The following SMARCA2 variants were observed in gnomAD, a reference collection of about 807,000 sequenced individuals.
SMARCA2 encodes SWI/SNF-related matrix-associated actin-dependent regulator of chromatin subfamily A member 2.
A neutral mutation model predicts 199.8 loss-of-function variants in SMARCA2; 61 were observed. That is an observed-to-expected ratio of 0.31 (90% CI 0.25 to 0.38). The LOEUF (loss-of-function observed/expected upper bound fraction) is 0.38. SMARCA2 is among the 10% of genes least tolerant of loss of function. The pLI is 1.00. For synonymous variants in SMARCA2, 935 were observed against 732.0 expected (o/e 1.28, Z -4.48); for missense variants, 1,344 against 2,012.2 (o/e 0.67, Z 6.35).
intron 27 of SMARCA2, among the ~76,000 whole-genome samples, chr9:2,139,448 A>G (rs1016568073): frequency 2.0e-5 from 3 of 152,224 alleles, no homozygotes; most frequent in South Asian, 4.1e-4. Flanking sequence ...TCGAGTCACC[A>G]ACACTGGTGT....
chr9:2,114,629 A>T (rs2130595262), intron 24 of SMARCA2, among the ~76,000 whole-genome samples: 2 of 152,338 alleles, frequency 1.3e-5, no homozygotes, highest in South Asian at 4.2e-4. Flanking sequence ...TAAAAGCCAC[A>T]TGCCAAGAAG....
At chr9:2,160,109 G>A in intron 27 of SMARCA2, 1 of 635,832 alleles carries the variant, frequency 1.6e-6, no homozygotes, top group Non-Finnish European at 2.6e-6. Flanking sequence ...AAGATATGCG[G>A]GACAATTTCC....
chr9:2,096,179 C>T (rs904580675), intron 19 of SMARCA2, among the ~76,000 whole-genome samples: 2 of 152,142 alleles, frequency 1.3e-5, no homozygotes, highest in Non-Finnish European at 2.9e-5. Flanking sequence ...ATAAATCTCA[C>T]TTTAAGACTA....
At chr9:2,113,381 C>T (rs778391725) in intron 24 of SMARCA2, among the ~76,000 whole-genome samples, 4 of 152,132 alleles carry the variant, frequency 2.6e-5, no homozygotes, top group Non-Finnish European at 5.9e-5. Context: ...ACGGAATGGT[C>T]GACCACATTT....
intron 28 of SMARCA2, among the ~76,000 whole-genome samples, chr9:2,163,121 C>G (rs1825767597): frequency 6.6e-6 from 1 of 152,282 alleles, no homozygotes. Flanking sequence ...AAGCAAGAAA[C>G]TTTCCACCAT....
rs770820842 is a variant in SMARCA2 at position 2,097,450 on chromosome 9, A to G, written c.3057A>G (p.Pro1019=). Residue 1019 remains proline (P), a synonymous_variant, in exon 21 of 34, where the codon CCA becomes CCG. Coordinates refer to ENST00000349721, the MANE Select transcript of SMARCA2 (RefSeq NM_003070.5). ...IMQLRKICNH[P]YMFQHIEESF... ...AGTTGAGAAAAATCTGCAACCACCC[A>G]TATATGTTTCAGCACATTGAGGTAA... 1.2e-6 allele frequency: 2 copies of G among 1,609,708 alleles called. No individual in the cohort carries two copies. The highest frequency in any genetic ancestry group is 2.2e-5 in the South Asian group (2 of 90,956).
intron 29 of SMARCA2, among the ~76,000 whole-genome samples, chr9:2,179,612 C>G (rs927657549): frequency 6.6e-6 from 1 of 152,126 alleles, no homozygotes; most frequent in Non-Finnish European, 1.5e-5. Context: ...TAGCCTTACC[C>G]CTTAGAGCTT....
chr9:2,177,499 G>A (rs546482714), intron 29 of SMARCA2, among the ~76,000 whole-genome samples: 17 of 151,684 alleles, frequency 1.1e-4, no homozygotes, highest in East Asian at 5.8e-4. Flanking sequence ...ATCAATTTTC[G>A]CCTGGTCCTG....
At chr9:2,145,399 T>A (rs1824690295) in intron 27 of SMARCA2, among the ~76,000 whole-genome samples, 1 of 149,398 alleles carries the variant, frequency 6.7e-6, no homozygotes, top group South Asian at 2.1e-4. Context: ...AGAAAGTAAA[T>A]AAAAGAGTTT....
Position 2,115,721 on chromosome 9 carries a change from G to T in SMARCA2, c.3457-101G>T. The T allele has an allele frequency of 1.2e-6, 1 of 869,486 alleles. No individual in the cohort carries two copies. Among genetic ancestry groups the T allele is most frequent in the South Asian group, 1.6e-5 (1 of 61,092 alleles). The allele number at this position is 869,486 out of a possible 1,614,324, so 53.9% of individuals were successfully genotyped here. On this transcript the variant is annotated intron_variant, in intron 24 of 33. Transcript: ENST00000349721. This position sits in a 1 kb window ranked among gnomAD's most constrained non-coding sequence, Gnocchi z 6.0. ...GGCAAAATCTTACCTTAGTGAAGGT[G>T]AAATACAGAACCCTTCCATATTTCC...
chr9:2,117,203 A>G (rs987704981), intron 25 of SMARCA2, among the ~76,000 whole-genome samples: 23 of 151,616 alleles, frequency 1.5e-4, no homozygotes, highest in African/African-American at 4.6e-4. Flanking sequence ...TTTTTTTTCT[A>G]AAATGAATCT....
intron 27 of SMARCA2, among the ~76,000 whole-genome samples, chr9:2,145,371 A>C (rs531481920): frequency 6.6e-6 from 1 of 152,172 alleles, no homozygotes; most frequent in Admixed American, 6.5e-5. Flanking sequence ...AGATATTTTA[A>C]GTAAGGAGCA....
chr9:2,068,988 C>A (rs1269025621), intron 9 of SMARCA2: 4 of 151,998 alleles, frequency 2.6e-5, no homozygotes, highest in Non-Finnish European at 2.9e-5. Context: ...ACCATCTCGG[C>A]TCACTGCAAG....
At chr9:2,159,959 C>T (rs1202097000) in intron 27 of SMARCA2, 1 of 1,573,016 alleles carries the variant, frequency 6.4e-7, no homozygotes, top group Non-Finnish European at 8.6e-7. Context: ...GAACTACATC[C>T]CAGGCATGTG....
chr9:2,022,840 T>G (rs1001175473), intron 1 of SMARCA2, among the ~76,000 whole-genome samples: 2 of 152,350 alleles, frequency 1.3e-5, no homozygotes, highest in South Asian at 2.1e-4. Context: ...GATTTGAAAC[T>G]AACTTTTTTT....
Position 2,032,995 on chromosome 9 carries a change from A to T in SMARCA2, c.269A>T (p.His90Leu). The change falls in exon 3 of 34, where the codon CAT (histidine) becomes CTT (leucine). Residue 90 changes from histidine (H) to leucine (L), a missense_variant. Physicochemically the swap from His to Leu is moderately conservative, Grantham distance 99. Coordinates refer to ENST00000349721, the MANE Select transcript of SMARCA2 (RefSeq NM_003070.5). ...GACAAGGGGATTGTAGAAGACATCC[A>T]TTGTGGATCCATGAAGGGCACTGGT... ...IHDKGIVEDI[H>L]CGSMKGTGMR... The T allele has an allele frequency of 3.1e-6, 5 of 1,613,958 alleles. No homozygotes were observed. The highest frequency in any genetic ancestry group is 1.7e-6 in the Non-Finnish European group (2 of 1,179,800).
intron 1 of SMARCA2, among the ~76,000 whole-genome samples, chr9:2,019,423 A>T (rs1818508348): frequency 1.3e-5 from 2 of 151,976 alleles, no homozygotes; most frequent in African/African-American, 4.8e-5. Flanking sequence ...GTTCGTTTGT[A>T]AAGTGGTTTT....
intron 1 of SMARCA2, among the ~76,000 whole-genome samples, chr9:2,027,985 G>C (rs1229648784): frequency 1.3e-5 from 2 of 152,248 alleles, no homozygotes; most frequent in Non-Finnish European, 2.9e-5. Context: ...TAGCCAAGAT[G>C]CAGTTGTACC....
rs577123281 is a variant in SMARCA2, at chr9:2,027,378, G to T, written c.-36-1609G>T. Among the ~76,000 whole-genome samples, 4 of 152,128 alleles carry T rather than the reference G, an allele frequency of 2.6e-5. No homozygotes were observed. In the East Asian group the frequency reaches 5.8e-4, roughly 22 times the overall value. On this transcript the variant is annotated intron_variant, in intron 1 of 33. Coordinates refer to ENST00000349721, the MANE Select transcript of SMARCA2 (RefSeq NM_003070.5). ...GATCACTTGAGCCTAGGAGTTTGAG[G>T]CTTCAGTGAGCCATGATCTCTACTG...
Sources: allele counts gnomAD v4.1 joint callset (sites outside exome capture counted in the v4.1 genomes callset), GRCh38; gene constraint gnomAD v4.1.1; non-coding constraint Gnocchi (gnomAD v3.1); transcripts MANE v1.5; gene names NCBI Gene and HGNC (gene_info 2026-07-23, HGNC 2026-07-21).